Variants in C16orf74 observed in about 807,000 individuals in gnomAD.
C16orf74 encodes calcimembrin, also known as uncharacterized protein C16orf74.
In C16orf74, 10 loss-of-function variants were observed where a neutral mutation model predicts 6.5. The observed-to-expected ratio is 1.54, with a 90% confidence interval of 0.95 to 2.61. C16orf74 has a LOEUF of 2.61. Among genes scored for constraint, C16orf74 ranks in the 30% most tolerant of loss-of-function variants. The probability of loss-of-function intolerance (pLI) is 0.00; values close to 1 mark genes in which losing one functional copy is unlikely to be tolerated. For missense variants in C16orf74, 141 were observed against 105.9 expected (o/e 1.33, Z -1.45); for synonymous variants, 60 against 42.5 (o/e 1.41, Z -1.60).
chr16:85,716,503 A>G (rs2054025462), intron 2 of C16orf74, among the ~76,000 whole-genome samples: 2 of 105,582 alleles, frequency 1.9e-5, no homozygotes, highest in South Asian at 4.1e-4. Flanking sequence ...GGAGAGGAGG[A>G]AGGGAGGGAG....
intron 1 of C16orf74, among the ~76,000 whole-genome samples, chr16:85,742,701 C>G (rs1219992283): frequency 5.9e-5 from 9 of 152,096 alleles, no homozygotes; most frequent in Admixed American, 5.9e-4. Flanking sequence ...GCCACCACAC[C>G]CGGCTAATTT....
At chr16:85,736,911 G>GC (rs2054251119) in intron 1 of C16orf74, among the ~76,000 whole-genome samples, 3 of 152,208 alleles carry the variant, frequency 2.0e-5, no homozygotes, top group Admixed American at 2.0e-4. Flanking sequence ...AGGCATGGTG[G>GC]TGGGTGCTTG....
intron 2 of C16orf74, among the ~76,000 whole-genome samples, chr16:85,715,954 C>A (rs985813935): frequency 4.3e-4 from 65 of 152,180 alleles, no homozygotes; most frequent in African/African-American, 1.5e-3. Flanking sequence ...TAAGTGTTCT[C>A]TATTATCATC....
At chr16:85,748,948 AT>A (rs2054405476) in intron 1 of C16orf74, among the ~76,000 whole-genome samples, 3 of 91,762 alleles carry the variant, frequency 3.3e-5, no homozygotes, top group Non-Finnish European at 7.3e-5. Context: ...TTTTTTTTTT[AT>A]TTTATTTTTT....
intron 2 of C16orf74, 164 bp from the exon 3 acceptor site, chr16:85,710,471 C>T (rs1011585762): frequency 4.9e-5 from 28 of 571,640 alleles, no homozygotes; most frequent in African/African-American, 4.2e-4. Flanking sequence ...TGAAAACCGG[C>T]GTCTCAGGAA....
intron 2 of C16orf74, among the ~76,000 whole-genome samples, chr16:85,716,344 G>C (rs2054023288): frequency 6.9e-6 from 1 of 144,652 alleles, no homozygotes; most frequent in Non-Finnish European, 1.5e-5. Context: ...AGAAGAGGGA[G>C]GGAGGAGGAA....
chr16:85,741,257 C>T (rs927492346), intron 1 of C16orf74, among the ~76,000 whole-genome samples: 2 of 152,126 alleles, frequency 1.3e-5, no homozygotes, highest in South Asian at 4.1e-4. Context: ...AGGCTCTGGC[C>T]GAGCAAAGGA....
intron 1 of C16orf74, among the ~76,000 whole-genome samples, chr16:85,744,509 G>C (rs1015135202): frequency 6.6e-6 from 1 of 152,048 alleles, no homozygotes; most frequent in Non-Finnish European, 1.5e-5. Flanking sequence ...AGAAGAACAG[G>C]TTCTTTCTTG....
intron 2 of C16orf74, among the ~76,000 whole-genome samples, chr16:85,720,905 T>C (rs1165606473): frequency 6.6e-6 from 1 of 151,184 alleles, no homozygotes; most frequent in African/African-American, 2.4e-5. Context: ...CTGGCCAACA[T>C]GGTGAAAACT....
chr16:85,729,676 C>T (rs376861777), intron 2 of C16orf74, among the ~76,000 whole-genome samples: 4 of 152,092 alleles, frequency 2.6e-5, no homozygotes, highest in Admixed American at 6.5e-5. Context: ...GATTTGGGGG[C>T]GGAGGGGCTC....
At chr16:85,714,489 G>A (rs180746306) in intron 2 of C16orf74, among the ~76,000 whole-genome samples, 2 of 151,708 alleles carry the variant, frequency 1.3e-5, no homozygotes, top group African/African-American at 2.4e-5. Flanking sequence ...GCGTGATCTC[G>A]ACTCACTGCA....
chr16:85,729,598 T>C (rs1323910657), intron 2 of C16orf74, among the ~76,000 whole-genome samples: 2 of 152,198 alleles, frequency 1.3e-5, no homozygotes, highest in Non-Finnish European at 2.9e-5. Flanking sequence ...CCTCAGAATA[T>C]GACCTTATTT....
intron 2 of C16orf74, among the ~76,000 whole-genome samples, chr16:85,712,408 C>T (rs868361318): frequency 6.6e-6 from 1 of 152,210 alleles, no homozygotes; most frequent in Non-Finnish European, 1.5e-5. Context: ...CTTTCCCTGA[C>T]CCAGTAGGAA....
intron 1 of C16orf74, among the ~76,000 whole-genome samples, chr16:85,741,349 G>A (rs928740329): frequency 2.0e-5 from 3 of 152,160 alleles, no homozygotes; most frequent in African/African-American, 7.2e-5. Flanking sequence ...CAGCTGTCTT[G>A]CAATTTGAAA....
At position 85,739,551 on chromosome 16, in the gene C16orf74, G is replaced by A. The variant is rs79829983; in HGVS notation, c.-18-4316C>T. Among the ~76,000 whole-genome samples, 636 of 152,334 alleles carry A rather than the reference G, an allele frequency of 4.2e-3. 5 individuals carry two copies. Among genetic ancestry groups the A allele is most frequent in the African/African-American group, 0.014 (572 of 41,576 alleles). On this transcript the variant is annotated intron_variant, in intron 1 of 3. Transcript: ENST00000284245. ...CGGGATGCTGTTTACTGTTGAGACT[G>A]GGAGATAGGAGAGCATGACATACTG...
intron 2 of C16orf74, among the ~76,000 whole-genome samples, chr16:85,720,752 G>A (rs9924546): frequency 0.022 from 3,330 of 148,094 alleles, 124 homozygotes; most frequent in African/African-American, 0.079. Flanking sequence ...CCCCAGCCTG[G>A]GCAAGAGAGA....
chr16:85,747,473 A>G (rs443344), intron 1 of C16orf74, among the ~76,000 whole-genome samples: 151,686 of 152,032 alleles, frequency 1, 75,671 homozygotes, highest in Middle Eastern at 1. Context: ...GGGGTCTGCT[A>G]TTTGAAGTCA....
At chr16:85,743,849 C>A (rs1293521957) in intron 1 of C16orf74, among the ~76,000 whole-genome samples, 1 of 151,938 alleles carries the variant, frequency 6.6e-6, no homozygotes, top group South Asian at 2.1e-4. Flanking sequence ...ATCAGGAGAT[C>A]GAGACAATCC....
intron 1 of C16orf74, among the ~76,000 whole-genome samples, chr16:85,739,964 C>G (rs1183652081): frequency 6.6e-6 from 1 of 151,906 alleles, no homozygotes; most frequent in African/African-American, 2.4e-5. Flanking sequence ...AATCCCAGCA[C>G]TTAGGGAGGC....
Sources: allele counts gnomAD v4.1 joint callset (sites outside exome capture counted in the v4.1 genomes callset), GRCh38; gene constraint gnomAD v4.1.1; transcripts MANE v1.5; gene names NCBI Gene and HGNC (gene_info 2026-07-23, HGNC 2026-07-21).